ARHGAP20: variants seen among roughly 807,000 people sequenced by gnomAD.
The protein encoded by ARHGAP20 is rho GTPase-activating protein 20.
ARHGAP20 carries 34 observed loss-of-function variants against 73.7 expected under a neutral mutation model. The observed-to-expected ratio is 0.46, with a 90% CI of 0.35 to 0.61. The LOEUF is 0.61. Ranked by LOEUF, ARHGAP20 falls within the 20% of genes least tolerant of loss-of-function variation. The pLI, the probability that ARHGAP20 is intolerant of heterozygous loss-of-function variation, is 0.00. For synonymous variants in ARHGAP20, 523 were observed against 518.2 expected (o/e 1.01, Z -0.13); for missense variants, 1,314 against 1,420.9 (o/e 0.92, Z 1.21).
At chr11:110,590,849 C>T in intron 10 of ARHGAP20, 40 bp from the exon 11 acceptor site, 1 of 1,583,318 alleles carries the variant, frequency 6.3e-7, no homozygotes, top group South Asian at 1.2e-5. Context: ...ATGACACTTC[C>T]ACACACACAA....
intron 2 of ARHGAP20, among the ~76,000 whole-genome samples, chr11:110,675,472 T>A (rs576306338): frequency 2.6e-5 from 4 of 152,212 alleles, no homozygotes; most frequent in Admixed American, 2.6e-4. Context: ...TGGGAGACAT[T>A]TTTTCCATGG....
chr11:110,696,286 A>T (rs2135129608), intron 1 of ARHGAP20, among the ~76,000 whole-genome samples: 1 of 151,726 alleles, frequency 6.6e-6, no homozygotes, highest in African/African-American at 2.4e-5. Flanking sequence ...AAGCCGCTGA[A>T]CATAACTTTA....
chr11:110,698,087 G>A (rs547792682), intron 1 of ARHGAP20, among the ~76,000 whole-genome samples: 2 of 151,466 alleles, frequency 1.3e-5, no homozygotes, highest in East Asian at 1.9e-4. Flanking sequence ...TGTCATCTAC[G>A]ATTTCTTTCA....
chr11:110,697,132 G>A (rs1283667176), intron 1 of ARHGAP20, among the ~76,000 whole-genome samples: 1 of 151,566 alleles, frequency 6.6e-6, no homozygotes, highest in African/African-American at 2.4e-5. Context: ...GGATTGAATG[G>A]TATTTATATT....
intron 2 of ARHGAP20, among the ~76,000 whole-genome samples, chr11:110,659,992 C>T (rs1399898410): frequency 6.8e-6 from 1 of 147,286 alleles, no homozygotes; most frequent in East Asian, 2.0e-4. Context: ...CAGCATGGCA[C>T]GTGTATACAT....
At chr11:110,698,459 C>T (rs779341271) in intron 1 of ARHGAP20, among the ~76,000 whole-genome samples, 5 of 151,680 alleles carry the variant, frequency 3.3e-5, no homozygotes, top group Non-Finnish European at 7.4e-5. Flanking sequence ...AATAATCCCT[C>T]CTCATTGGTT....
intron 2 of ARHGAP20, among the ~76,000 whole-genome samples, chr11:110,681,549 T>G (rs74557562): frequency 0.017 from 2,585 of 152,278 alleles, 54 homozygotes; most frequent in African/African-American, 0.046. Flanking sequence ...ACTACAATCC[T>G]CAGTAAACCA....
intron 2 of ARHGAP20, among the ~76,000 whole-genome samples, chr11:110,632,233 A>T (rs326947): frequency 0.51 from 77,156 of 151,888 alleles, 21,493 homozygotes; most frequent in African/African-American, 0.76. Flanking sequence ...AGTAGGTATA[A>T]GTTTAATTTT....
chr11:110,662,930 A>G (rs1949646768), intron 2 of ARHGAP20, among the ~76,000 whole-genome samples: 1 of 152,000 alleles, frequency 6.6e-6, no homozygotes, highest in South Asian at 2.1e-4. Context: ...TGTCATATTA[A>G]AAATACTCTT....
intron 10 of ARHGAP20, among the ~76,000 whole-genome samples, chr11:110,591,134 C>T (rs1947818393): frequency 6.6e-6 from 1 of 152,134 alleles, no homozygotes; most frequent in African/African-American, 2.4e-5. Context: ...AAAAATTGCT[C>T]AGAGAGTGAA....
At chr11:110,610,808 G>A (rs1948349258) in intron 7 of ARHGAP20, among the ~76,000 whole-genome samples, 1 of 152,046 alleles carries the variant, frequency 6.6e-6, no homozygotes, top group Non-Finnish European at 1.5e-5. Context: ...TTTATCAGAG[G>A]TATTAGCCAT....
intron 2 of ARHGAP20, among the ~76,000 whole-genome samples, chr11:110,642,131 A>C (rs565315501): frequency 1.0e-3 from 153 of 152,190 alleles, no homozygotes; most frequent in African/African-American, 3.5e-3. Flanking sequence ...AAAGTTAAAA[A>C]ACTAACTGAT....
chr11:110,682,699 A>G (rs1950059718), intron 2 of ARHGAP20, among the ~76,000 whole-genome samples: 1 of 152,132 alleles, frequency 6.6e-6, no homozygotes, highest in Non-Finnish European at 1.5e-5. Flanking sequence ...AGAAGGCTTG[A>G]GTCTTAAAAA....
chr11:110,659,005 T>C (rs569059189), intron 2 of ARHGAP20, among the ~76,000 whole-genome samples: 5 of 152,180 alleles, frequency 3.3e-5, no homozygotes, highest in South Asian at 2.1e-4. Flanking sequence ...TTGTGAATAA[T>C]GCCGCAATAA....
intron 1 of ARHGAP20, 121 bp downstream of exon 1, chr11:110,712,006 C>A: frequency 8.1e-7 from 1 of 1,239,734 alleles, no homozygotes; most frequent in Non-Finnish European, 1.0e-6. Flanking sequence ...GGGCCGCGAG[C>A]CTCGAGCGTC....
chr11:110,624,465 G>A (rs1948693776), intron 3 of ARHGAP20, among the ~76,000 whole-genome samples, 154 bp from the exon 4 acceptor site: 2 of 150,856 alleles, frequency 1.3e-5, no homozygotes, highest in South Asian at 4.2e-4. Context: ...GCTGAACATT[G>A]AGAACACATG....
chr11:110,643,940 G>C (rs1949129057), intron 2 of ARHGAP20, among the ~76,000 whole-genome samples: 1 of 151,918 alleles, frequency 6.6e-6, no homozygotes, highest in African/African-American at 2.4e-5. Flanking sequence ...TCTAATTTTG[G>C]GTGTGTGTAG....
At chr11:110,584,201 G>A (rs1260692168) in intron 12 of ARHGAP20, among the ~76,000 whole-genome samples, 4 of 152,132 alleles carry the variant, frequency 2.6e-5, no homozygotes, top group Admixed American at 2.6e-4. Flanking sequence ...CTATCAAGAC[G>A]TCCAGGTCCA....
Position 110,578,968 on chromosome 11 carries a change from TG to T in ARHGAP20, c.*401del, listed in dbSNP as rs1215224658. ...TTAAAAACATTCCATGGAATGTAGATGGTTTCTCTGTACCCTTCCCCTCTCT... is the reference window on the plus strand; with the variant it reads ...TTAAAAACATTCCATGGAATGTAGATGTTTCTCTGTACCCTTCCCCTCTCT... On this transcript the variant is annotated 3_prime_UTR_variant, in exon 15 of 15. Transcript: ENST00000683387. 13 of 988,548 alleles carry T rather than the reference TG, an allele frequency of 1.3e-5. No homozygotes were observed. In the African/African-American group the frequency reaches 2.3e-4, roughly 17 times the overall value. 61.2% of individuals were successfully genotyped at this position (988,548 alleles called of 1,614,324 possible).
Sources: gnomAD v4.1 joint callset for allele counts (sites outside exome capture counted in the v4.1 genomes callset) on GRCh38, gnomAD v4.1.1 for gene constraint, MANE v1.5 for transcripts, NCBI Gene and HGNC (gene_info 2026-07-23, HGNC 2026-07-21) for gene names.